Variants in PRIM2 observed in about 807,000 individuals in gnomAD.
PRIM2 encodes the protein DNA primase subunit 2, also known as DNA primase large subunit.
PRIM2 carries 39 observed loss-of-function variants against 67.3 expected under a neutral mutation model. The observed-to-expected ratio is 0.58, with a 90% confidence interval of 0.45 to 0.76. The LOEUF (loss-of-function observed/expected upper bound fraction) is 0.76, where lower values mean the gene tolerates loss of function less well. PRIM2 is among the 30% of genes least tolerant of loss of function. The pLI is 0.00. For missense variants in PRIM2, 398 were observed against 598.7 expected, an observed-to-expected ratio of 0.66 and a Z score of 3.50; for synonymous variants, 143 against 198.7, an observed-to-expected ratio of 0.72 and a Z score of 2.36.
At chr6:57,343,398 A>G (rs1284439582) in intron 5 of PRIM2, among the ~76,000 whole-genome samples, 5 of 152,202 alleles carry the variant, frequency 3.3e-5, no homozygotes, top group Admixed American at 3.3e-4. Context: ...TTATAAGCCT[A>G]TTAACAAGTT....
chr6:57,444,551 G>A (rs1581910720), intron 7 of PRIM2, among the ~76,000 whole-genome samples: 1 of 148,620 alleles, frequency 6.7e-6, no homozygotes, highest in Admixed American at 6.7e-5. Context: ...TGGGTGACAG[G>A]GCGAGATTCC....
chr6:57,269,592 C>A, the PRIM2 span, among the ~76,000 whole-genome samples: 1 of 152,090 alleles, frequency 6.6e-6, no homozygotes, highest in African/African-American at 2.4e-5. Flanking sequence ...CCTGTTCACT[C>A]TGATGGTAGT....
At chr6:57,281,902 C>T in the PRIM2 span, among the ~76,000 whole-genome samples, 1 of 152,158 alleles carries the variant, frequency 6.6e-6, no homozygotes, top group South Asian at 2.1e-4. Context: ...TAAGTCTGAT[C>T]CAGCATTTAC....
the PRIM2 span, among the ~76,000 whole-genome samples, chr6:57,308,263 C>T: frequency 6.6e-6 from 1 of 151,996 alleles, no homozygotes; most frequent in East Asian, 1.9e-4. Context: ...GCTGGGACTA[C>T]AGGCTCGTGC....
chr6:57,288,063 C>G, the PRIM2 span, among the ~76,000 whole-genome samples: 1 of 152,310 alleles, frequency 6.6e-6, no homozygotes, highest in African/African-American at 2.4e-5. Flanking sequence ...TTGGTACACT[C>G]CTGCTCAAAT....
intron 7 of PRIM2, among the ~76,000 whole-genome samples, chr6:57,456,948 A>C (rs368427353): frequency 5.7e-4 from 86 of 151,978 alleles, no homozygotes; most frequent in Non-Finnish European, 6.8e-4. Context: ...GATGATGGTG[A>C]CGTACAGATG....
chr6:57,581,485 G>C (rs1245432066), intron 10 of PRIM2, among the ~76,000 whole-genome samples: 8 of 152,162 alleles, frequency 5.3e-5, no homozygotes, highest in South Asian at 2.1e-4. Context: ...TTTCATTGCT[G>C]TTACATCAGT....
intron 7 of PRIM2, among the ~76,000 whole-genome samples, chr6:57,425,399 T>A (rs1771589471): frequency 6.6e-6 from 1 of 152,118 alleles, no homozygotes; most frequent in Non-Finnish European, 1.5e-5. Flanking sequence ...GTATTTTTAG[T>A]AGAGATGGGG....
chr6:57,465,549 G>A (rs1773154902), intron 7 of PRIM2, among the ~76,000 whole-genome samples: 1 of 152,162 alleles, frequency 6.6e-6, no homozygotes, highest in Admixed American at 6.5e-5. Flanking sequence ...TATAAAGCAT[G>A]GACTCTCGTG....
the PRIM2 span, among the ~76,000 whole-genome samples, chr6:57,247,782 G>T: frequency 1.3e-5 from 2 of 152,132 alleles, no homozygotes; most frequent in African/African-American, 4.8e-5. Flanking sequence ...ATTTCTGTAT[G>T]ACTCAAAGGA....
chr6:57,400,969 G>A (rs1156883214), intron 7 of PRIM2, among the ~76,000 whole-genome samples: 5 of 152,138 alleles, frequency 3.3e-5, no homozygotes, highest in Admixed American at 6.5e-5. Context: ...GATGCGTTAC[G>A]TTCTTTTTTA....
chr6:57,557,646 G>A (rs1358348559), intron 10 of PRIM2, among the ~76,000 whole-genome samples: 6 of 151,104 alleles, frequency 4.0e-5, no homozygotes, highest in African/African-American at 4.9e-5. Context: ...AAGGAGAGGA[G>A]CAGAAAAAAA....
At chr6:57,357,564 T>A (rs1769070948) in intron 5 of PRIM2, among the ~76,000 whole-genome samples, 1 of 152,034 alleles carries the variant, frequency 6.6e-6, no homozygotes, top group South Asian at 2.1e-4. Context: ...GGACATTTCC[T>A]TAAGTTTAGC....
chr6:57,354,971 G>A (rs1485283941), intron 5 of PRIM2, among the ~76,000 whole-genome samples: 6 of 152,238 alleles, frequency 3.9e-5, no homozygotes, highest in South Asian at 4.1e-4. Context: ...AGCAGAGGCA[G>A]TCTTGTCCAT....
chr6:57,475,470 G>A (rs1333221144), intron 7 of PRIM2, among the ~76,000 whole-genome samples: 1 of 152,164 alleles, frequency 6.6e-6, no homozygotes, highest in Non-Finnish European at 1.5e-5. Flanking sequence ...GGTCTGTTGT[G>A]ACTGGTTTCT....
upstream of PRIM2, among the ~76,000 whole-genome samples, chr6:57,313,303 A>T (rs1767422223): frequency 6.6e-6 from 1 of 152,160 alleles, no homozygotes; most frequent in African/African-American, 2.4e-5. Flanking sequence ...ATCTAACATA[A>T]TTATTTATGT....
intron 5 of PRIM2, among the ~76,000 whole-genome samples, chr6:57,341,056 G>A (rs73750067): frequency 6.6e-6 from 1 of 152,130 alleles, no homozygotes; most frequent in African/African-American, 2.4e-5. Flanking sequence ...ATGAACCTGT[G>A]CATTAAAGTA....
At chr6:57,427,973 A>T in intron 7 of PRIM2, among the ~76,000 whole-genome samples, 1 of 152,154 alleles carries the variant, frequency 6.6e-6, no homozygotes, top group Non-Finnish European at 1.5e-5. Flanking sequence ...TTGCATGGAA[A>T]ACTCACATGG....
At position 57,646,408 on chromosome 6, in the gene PRIM2, C is replaced by T. The variant is rs1457372242; in HGVS notation, c.*250C>T. On this transcript the variant is annotated 3_prime_UTR_variant, in exon 14 of 14. Transcript: ENST00000615550. ...TTTTTTTGTAGAGGTGGGGGGTCTC[C>T]CTATGTTGCCCAGGCAGATCTCAGA... The T allele has an allele frequency of 3.4e-5, 14 of 407,220 alleles. No homozygotes were observed. The highest frequency in any genetic ancestry group is 3.5e-5 in the Non-Finnish European group (8 of 226,354). The allele number at this position is 407,220 out of a possible 1,614,324, so 25.2% of individuals were successfully genotyped here.
Sources: gnomAD v4.1 joint callset for allele counts (sites outside exome capture counted in the v4.1 genomes callset) on GRCh38, gnomAD v4.1.1 for gene constraint, MANE v1.5 for transcripts, NCBI Gene and HGNC (gene_info 2026-07-23, HGNC 2026-07-21) for gene names.